RASAL2: variants seen among roughly 807,000 people sequenced by gnomAD.
RASAL2 encodes the protein ras GTPase-activating protein nGAP.
A neutral mutation model predicts 128.9 loss-of-function variants in RASAL2; 58 were observed. The ratio of observed to expected loss-of-function variants is 0.45; its 90% CI spans 0.36 to 0.56. The LOEUF is 0.56. Among genes scored for constraint, RASAL2 ranks in the 20% least tolerant of loss-of-function variants. The probability of loss-of-function intolerance (pLI) is 0.00; values close to 1 mark genes in which losing one functional copy is unlikely to be tolerated. For synonymous variants in RASAL2, 561 were observed against 580.8 expected (o/e 0.97, Z 0.49); for missense variants, 1,360 against 1,601.6 (o/e 0.85, Z 2.57).
chr1:178,408,481 G>C (rs1223545335), intron 4 of RASAL2, among the ~76,000 whole-genome samples: 1 of 152,006 alleles, frequency 6.6e-6, no homozygotes, highest in Admixed American at 6.6e-5. Flanking sequence ...TTTCAATAAG[G>C]TTTTGATTTT....
At chr1:178,329,968 T>C (rs1240361777) in intron 3 of RASAL2, among the ~76,000 whole-genome samples, 1 of 152,142 alleles carries the variant, frequency 6.6e-6, no homozygotes, top group Non-Finnish European at 1.5e-5. Context: ...GGTAAAAGGA[T>C]GGAAGGCTCT....
chr1:178,289,666 TG>T (rs897886302), intron 2 of RASAL2, among the ~76,000 whole-genome samples: 5 of 152,132 alleles, frequency 3.3e-5, no homozygotes, highest in African/African-American at 7.2e-5. Context: ...CATCTCCACT[TG>T]GATATGTAAG....
intron 3 of RASAL2, among the ~76,000 whole-genome samples, chr1:178,351,845 C>T (rs1670528729): frequency 6.6e-6 from 1 of 152,058 alleles, no homozygotes; most frequent in South Asian, 2.1e-4. Context: ...CCCAGCAGAG[C>T]AGCCATTAGC....
intron 3 of RASAL2, among the ~76,000 whole-genome samples, chr1:178,342,582 A>G (rs1164844834): frequency 1.3e-5 from 2 of 152,214 alleles, no homozygotes; most frequent in Non-Finnish European, 2.9e-5. Context: ...AGAGGAAAAA[A>G]TGGCTTTCAG....
At chr1:178,346,412 A>AAAG (rs780887258) in intron 3 of RASAL2, among the ~76,000 whole-genome samples, 1 of 151,974 alleles carries the variant, frequency 6.6e-6, no homozygotes, top group Non-Finnish European at 1.5e-5. Flanking sequence ...TTAAAAAAAA[A>AAAG]AAAGAAAGAA....
At chr1:178,251,215 G>C (rs1276909788) in intron 1 of RASAL2, among the ~76,000 whole-genome samples, 1 of 152,188 alleles carries the variant, frequency 6.6e-6, no homozygotes, top group Non-Finnish European at 1.5e-5. Flanking sequence ...CGTCATGGGA[G>C]ATCGTAAAGA....
intron 1 of RASAL2, chr1:178,123,079 G>T (rs988125085): frequency 6.6e-6 from 1 of 152,088 alleles, no homozygotes; most frequent in Non-Finnish European, 1.5e-5. Context: ...AAATCACCTG[G>T]AATGCTTGTT....
intron 1 of RASAL2, among the ~76,000 whole-genome samples, chr1:178,268,953 G>A (rs1465321022): frequency 1.3e-5 from 2 of 152,074 alleles, no homozygotes; most frequent in Non-Finnish European, 2.9e-5. Context: ...TTTAAATACT[G>A]TATGCTTTTT....
At chr1:178,287,508 C>T (rs547426747) in intron 2 of RASAL2, among the ~76,000 whole-genome samples, 4 of 151,830 alleles carry the variant, frequency 2.6e-5, no homozygotes, top group African/African-American at 4.8e-5. Flanking sequence ...GAAAATAAGT[C>T]GTTATATAAC....
At chr1:178,309,265 T>A (rs918559306) in intron 3 of RASAL2, among the ~76,000 whole-genome samples, 7 of 152,156 alleles carry the variant, frequency 4.6e-5, no homozygotes, top group Admixed American at 3.9e-4. Context: ...AAATGTCATG[T>A]CTTATTCCTC....
chr1:178,311,679 A>G (rs1668259131), intron 3 of RASAL2, among the ~76,000 whole-genome samples: 1 of 152,118 alleles, frequency 6.6e-6, no homozygotes, highest in Non-Finnish European at 1.5e-5. Context: ...TTCTTCTCTC[A>G]CTTGCCTTTA....
chr1:178,206,114 G>T (rs1382703787), intron 1 of RASAL2, among the ~76,000 whole-genome samples: 5 of 151,986 alleles, frequency 3.3e-5, no homozygotes, highest in Non-Finnish European at 7.4e-5. Context: ...ATCTTGCTCT[G>T]TGTACTCTGT....
intron 1 of RASAL2, among the ~76,000 whole-genome samples, chr1:178,111,994 G>A (rs1659341216): frequency 6.6e-6 from 1 of 152,116 alleles, no homozygotes; most frequent in Non-Finnish European, 1.5e-5. Context: ...CTCCCAAAGT[G>A]CTGGAATTAC....
intron 1 of RASAL2, among the ~76,000 whole-genome samples, chr1:178,241,724 T>C (rs922764558): frequency 6.6e-6 from 1 of 152,178 alleles, no homozygotes; most frequent in African/African-American, 2.4e-5. Context: ...TACCAACTTA[T>C]CAGTATATTA....
In RASAL2 at chr1:178,443,193, C is replaced by G; in HGVS notation, c.1446C>G (p.Ala482=). The G allele has an allele frequency of 6.2e-7, 1 of 1,612,470 alleles. No individual in the cohort carries two copies. Among genetic ancestry groups the G allele is most frequent in the Non-Finnish European group, 8.5e-7 (1 of 1,178,684 alleles). Residue 482 remains alanine (A), a synonymous_variant, in exon 8 of 18, where the codon GCC becomes GCG. Transcript: ENST00000367649. ...SVRNKEELAC[A]LVHILQSTGR... Reference sequence around the variant, plus strand: ...GAAATAAAGAGGAGTTGGCTTGTGCCTTAGTGCACATTCTTCAAAGTACTG... The same window carrying G: ...GAAATAAAGAGGAGTTGGCTTGTGCGTTAGTGCACATTCTTCAAAGTACTG...
At chr1:178,197,373 G>C (rs1013352297) in intron 1 of RASAL2, among the ~76,000 whole-genome samples, 14 of 152,064 alleles carry the variant, frequency 9.2e-5, no homozygotes, top group African/African-American at 3.4e-4. Context: ...AGAATTGCTT[G>C]AACCTGGGAG....
chr1:178,207,352 G>T, intron 1 of RASAL2, among the ~76,000 whole-genome samples: 1 of 151,992 alleles, frequency 6.6e-6, no homozygotes, highest in East Asian at 1.9e-4. Flanking sequence ...GAAGATATTA[G>T]AAAAAGTAAT....
At chr1:178,191,735 A>G (rs1240489940) in intron 1 of RASAL2, among the ~76,000 whole-genome samples, 1 of 152,222 alleles carries the variant, frequency 6.6e-6, no homozygotes, top group Non-Finnish European at 1.5e-5. Flanking sequence ...CAACTGTGAT[A>G]TCAATTCATT....
In RASAL2 at chr1:178,451,652, A is replaced by C. The variant is rs139065794; in HGVS notation, c.1709A>C (p.Asp570Ala). 434 of 1,613,796 alleles carry C rather than the reference A, an allele frequency of 2.7e-4. No individual in the cohort carries two copies. Among genetic ancestry groups the C allele is most frequent in the Non-Finnish European group, 3.6e-4 (424 of 1,179,818 alleles). ...AAATGTTCATCTAGTGAACTGATAG[A>C]CCATCAGAGCAACCTGAAAATGTGC... is the stretch of plus-strand genomic sequence containing the variant. ...PSKCSSSELI[D>A]HQSNLKMCCE... The change falls in exon 10 of 18, where the codon GAC (aspartate) becomes GCC (alanine). Residue 570 changes from aspartate (D) to alanine (A), a missense_variant. Physicochemically the swap from Asp to Ala is moderately radical, Grantham distance 126. Around this residue, in one of 3 missense-constraint regions of RASAL2, gnomAD observed 617 missense variants for 714.2 expected, o/e 0.86. Coordinates refer to ENST00000367649, the MANE Select transcript of RASAL2 (RefSeq NM_170692.4).
Sources: allele counts gnomAD v4.1 joint callset (sites outside exome capture counted in the v4.1 genomes callset), GRCh38; gene constraint gnomAD v4.1.1; regional missense constraint gnomAD v4.1.1; transcripts MANE v1.5; gene names NCBI Gene and HGNC (gene_info 2026-07-23, HGNC 2026-07-21).